The following MMD variants were observed in gnomAD, a reference collection of about 807,000 sequenced individuals.
MMD encodes the protein monocyte to macrophage differentiation associated, also known as monocyte to macrophage differentiation factor.
In MMD, 22 loss-of-function variants were observed where a neutral mutation model predicts 33.6. The observed-to-expected ratio is 0.66, with a 90% CI of 0.47 to 0.94. MMD has a LOEUF of 0.94. MMD is among the 40% of genes least tolerant of loss of function. The probability of loss-of-function intolerance (pLI) is 0.00; values close to 1 mark genes in which losing one functional copy is unlikely to be tolerated. For synonymous variants in MMD, 97 were observed against 103.2 expected, an observed-to-expected ratio of 0.94 and a Z score of 0.36; for missense variants, 242 against 309.8, an observed-to-expected ratio of 0.78 and a Z score of 1.64.
chr17:55,401,414 G>T, intron 6 of MMD, 55 bp downstream of exon 6: 1 of 1,421,344 alleles, frequency 7.0e-7, no homozygotes, highest in Non-Finnish European at 9.7e-7. Context: ...CCATAATCAT[G>T]TTAAGTTCCA....
chr17:55,392,817 C>G lies in MMD; in HGVS notation c.*1517G>C, dbSNP rs1454699419. The stretch of plus-strand genomic sequence containing the variant: ...AGGAGTGGTTTGGTTGGTGTTATCA[C>G]TGGGTACCTTGCCTATTTAACTCGC... On this transcript the variant is annotated 3_prime_UTR_variant, in exon 7 of 7. Coordinates refer to ENST00000262065, the MANE Select transcript of MMD (RefSeq NM_012329.3). 2 of 152,364 alleles carry G rather than the reference C, an allele frequency of 1.3e-5. No homozygotes were observed. The highest frequency in any genetic ancestry group is 1.3e-4 in the Admixed American group (2 of 15,284). The allele number at this position is 152,364 out of a possible 1,614,324, so 9.4% of individuals were successfully genotyped here.
intron 6 of MMD, among the ~76,000 whole-genome samples, chr17:55,397,687 T>C (rs8075677): frequency 0.5 from 75,232 of 151,240 alleles, 20,643 homozygotes; most frequent in African/African-American, 0.74. Flanking sequence ...ATTACAGGAG[T>C]TCTGCCATCA....
intron 6 of MMD, among the ~76,000 whole-genome samples, chr17:55,400,578 C>A: frequency 6.7e-6 from 1 of 149,158 alleles, no homozygotes; most frequent in Non-Finnish European, 1.5e-5. Context: ...AAGGTTCTTA[C>A]AATGTGCCTA....
chr17:55,403,804 C>A lies in MMD; in HGVS notation c.409G>T (p.Ala137Ser). Residue 137 changes from alanine (A) to serine (S), a missense_variant, in exon 5 of 7, where the codon GCT (alanine) becomes TCT (serine). Ala to Ser is a moderately conservative substitution (Grantham distance 99, BLOSUM62 1). Coordinates refer to ENST00000262065, the MANE Select transcript of MMD (RefSeq NM_012329.3). Reference protein sequence around the residue: ...HMRWFIWLMAAGGTIYVFLYH... With the variant: ...HMRWFIWLMASGGTIYVFLYH... ...AGAAATACATAAATGGTTCCTCCAGCTGCCATGAGCCAGATAAACCAACGC... is the reference window on the plus strand; with the variant it reads ...AGAAATACATAAATGGTTCCTCCAGATGCCATGAGCCAGATAAACCAACGC... 2 of 1,613,508 alleles carry A rather than the reference C, an allele frequency of 1.2e-6. No individual in the cohort carries two copies. Among genetic ancestry groups the A allele is most frequent in the South Asian group, 2.2e-5 (2 of 90,914 alleles).
At chr17:55,401,120 G>A (rs551165098) in intron 6 of MMD, among the ~76,000 whole-genome samples, 3 of 152,138 alleles carry the variant, frequency 2.0e-5, no homozygotes, top group Admixed American at 6.6e-5. Context: ...AACTGTACAC[G>A]GTACCTAGTG....
At chr17:55,410,770 C>T (rs888409555) in intron 3 of MMD, among the ~76,000 whole-genome samples, 3 of 152,198 alleles carry the variant, frequency 2.0e-5, no homozygotes, top group African/African-American at 7.2e-5. Flanking sequence ...TCACCTATCA[C>T]ACTGACTGTG....
chr17:55,413,301 C>A (rs985059782), intron 2 of MMD, among the ~76,000 whole-genome samples: 2 of 152,168 alleles, frequency 1.3e-5, no homozygotes, highest in South Asian at 4.2e-4. Flanking sequence ...GACTGTATCC[C>A]AGCCACTATT....
In MMD at chr17:55,407,730, G is replaced by A. The variant is rs1907611415; in HGVS notation, c.344+16C>T. The A allele has an allele frequency of 6.3e-7, 1 of 1,586,510 alleles. No homozygotes were observed. The highest frequency in any genetic ancestry group is 8.6e-7 in the Non-Finnish European group (1 of 1,166,672). ...ATAAAATCACTACCTTCGAAAATAGGAAGACTGTATCTTACCATGGAGCAT... is the reference window on the plus strand; with the variant it reads ...ATAAAATCACTACCTTCGAAAATAGAAAGACTGTATCTTACCATGGAGCAT... On this transcript the variant is annotated intron_variant, in intron 4 of 6. Coordinates refer to ENST00000262065, the MANE Select transcript of MMD (RefSeq NM_012329.3).
chr17:55,399,089 T>C (rs1330086765), intron 6 of MMD, among the ~76,000 whole-genome samples: 2 of 152,210 alleles, frequency 1.3e-5, no homozygotes, highest in Non-Finnish European at 2.9e-5. Flanking sequence ...CTGTAATTTC[T>C]GTTTCCTCCA....
intron 1 of MMD, 69 bp downstream of exon 1, chr17:55,421,601 C>A (rs971527863): frequency 2.5e-6 from 4 of 1,583,190 alleles, no homozygotes; most frequent in Non-Finnish European, 1.7e-6. Context: ...GGGAGCCGTG[C>A]GCTTAACGGC....
intron 2 of MMD, among the ~76,000 whole-genome samples, 183 bp downstream of exon 2, chr17:55,413,968 C>G (rs1433410386): frequency 6.6e-6 from 1 of 152,178 alleles, no homozygotes; most frequent in Non-Finnish European, 1.5e-5. Context: ...TAGGTTAGAA[C>G]ACACAAAGCA....
At chr17:55,412,468 T>C (rs953424497) in intron 2 of MMD, among the ~76,000 whole-genome samples, 5 of 152,250 alleles carry the variant, frequency 3.3e-5, no homozygotes, top group African/African-American at 1.2e-4. Flanking sequence ...AACTTTAATG[T>C]CTAGTCATAT....
chr17:55,399,967 T>C (rs1204055720), intron 6 of MMD, among the ~76,000 whole-genome samples: 1 of 152,188 alleles, frequency 6.6e-6, no homozygotes, highest in Non-Finnish European at 1.5e-5. Flanking sequence ...AAACCTTGCT[T>C]ATATTGCTTG....
At chr17:55,403,914 G>A (rs1451708527) in intron 4 of MMD, 46 bp from the exon 5 acceptor site, 3 of 1,435,900 alleles carry the variant, frequency 2.1e-6, no homozygotes, top group Admixed American at 1.8e-5. Context: ...GATAAATGAA[G>A]GGAATTCATA....
Position 55,407,831 on chromosome 17 carries a change from G to T in MMD, c.270-11C>A. 1 of 1,541,082 alleles carries T rather than the reference G, an allele frequency of 6.5e-7. No homozygotes were observed. Among genetic ancestry groups the T allele is most frequent in the Non-Finnish European group, 8.7e-7 (1 of 1,150,550 alleles). On this transcript the variant is annotated splice_polypyrimidine_tract_variant and intron_variant, in intron 3 of 6. Coordinates refer to ENST00000262065, the MANE Select transcript of MMD (RefSeq NM_012329.3). ...CAATGCTCCACTGTCCTAGCGAGGG[G>T]GAAAAAAAAGTAAATTTGTCAGAAA... is the stretch of plus-strand genomic sequence containing the variant.
In MMD at chr17:55,394,512, T is replaced by C; in HGVS notation, c.539A>G (p.Glu180Gly). ...ATAAATTAAGCCCCCACAGGCAAGTTCCTGAAGTCCATCGGTGTTGTTCTG... is the reference window on the plus strand; with the variant it reads ...ATAAATTAAGCCCCCACAGGCAAGTCCCTGAAGTCCATCGGTGTTGTTCTG... ...TSMNNTDGLQ[E>G]LACGGLIYCL... The change falls in exon 7 of 7, where the codon GAA becomes GGA. Residue 180 changes from glutamate (E) to glycine (G), a missense_variant. Glu to Gly is a moderately conservative substitution (Grantham distance 98). Transcript: ENST00000262065. 1.3e-6 allele frequency: 2 copies of C among 1,516,866 alleles called. No homozygotes were observed. Among genetic ancestry groups the C allele is most frequent in the Non-Finnish European group, 1.8e-6 (2 of 1,137,392 alleles). The allele number at this position is 1,516,866 out of a possible 1,614,324, so 94.0% of individuals were successfully genotyped here.
intron 6 of MMD, among the ~76,000 whole-genome samples, chr17:55,398,622 T>C (rs1459096153): frequency 6.6e-6 from 1 of 152,174 alleles, no homozygotes; most frequent in Non-Finnish European, 1.5e-5. Flanking sequence ...CAGTAAAGAT[T>C]CTGTTGTATT....
chr17:55,403,486 T>A (rs1009022999), intron 5 of MMD, among the ~76,000 whole-genome samples: 1 of 152,196 alleles, frequency 6.6e-6, no homozygotes, highest in African/African-American at 2.4e-5. Flanking sequence ...AAGGCCAATT[T>A]GCCTCATGCT....
chr17:55,402,810 C>T (rs1232273961), intron 5 of MMD, among the ~76,000 whole-genome samples: 2 of 152,190 alleles, frequency 1.3e-5, no homozygotes, highest in African/African-American at 4.8e-5. Flanking sequence ...CACTACTCAG[C>T]ATTGCTAATT....
Sources: gnomAD v4.1 joint callset for allele counts (sites outside exome capture counted in the v4.1 genomes callset) on GRCh38, gnomAD v4.1.1 for gene constraint, MANE v1.5 for transcripts, NCBI Gene and HGNC (gene_info 2026-07-23, HGNC 2026-07-21) for gene names.